The following BRI3 variants were observed in gnomAD, a reference collection of about 807,000 sequenced individuals.
BRI3 encodes brain protein I3.
A neutral mutation model predicts 12.8 loss-of-function variants in BRI3; 6 were observed. The observed-to-expected ratio is 0.47, with a 90% CI of 0.26 to 0.93. The LOEUF (loss-of-function observed/expected upper bound fraction) is 0.93, where lower values mean the gene tolerates loss of function less well. Ranked by LOEUF, BRI3 falls within the 40% of genes least tolerant of loss-of-function variation. The probability of loss-of-function intolerance (pLI) is 0.15; values close to 1 mark genes in which losing one functional copy is unlikely to be tolerated. For synonymous variants in BRI3, 91 were observed against 76.1 expected (o/e 1.20, Z -1.02); for missense variants, 134 against 171.1 (o/e 0.78, Z 1.21).
At chr7:98,318,772 GTC>G in the BRI3 span, among the ~76,000 whole-genome samples, 1 of 151,320 alleles carries the variant, frequency 6.6e-6, no homozygotes, top group Non-Finnish European at 1.5e-5. Context: ...GTGAAACCCC[GTC>G]TCTACTAAAA....
At chr7:98,317,403 T>C in the BRI3 span, 3 of 1,605,812 alleles carry the variant, frequency 1.9e-6, no homozygotes, top group Non-Finnish European at 1.7e-6. Context: ...ACCACACGAA[T>C]TGTCACACAG....
chr7:98,317,522 C>T, the BRI3 span, among the ~76,000 whole-genome samples: 1 of 150,518 alleles, frequency 6.6e-6, no homozygotes, highest in African/African-American at 2.4e-5. Flanking sequence ...CCAGTTCACA[C>T]CATCCTCCTG....
At chr7:98,302,076 C>T (rs1309728956), upstream of BRI3, among the ~76,000 whole-genome samples, 1 of 152,146 alleles carries the variant, frequency 6.6e-6, no homozygotes, top group Non-Finnish European at 1.5e-5. Flanking sequence ...ATGATCCAGC[C>T]AACGAAGAGG....
chr7:98,282,689 T>C (rs1799566823), intron 2 of BRI3: 5 of 512,590 alleles, frequency 9.8e-6, no homozygotes, highest in Non-Finnish European at 1.7e-5. Context: ...TTCCTTTTCC[T>C]AGATCTTGGG....
At chr7:98,315,587 T>C in the BRI3 span, 1 of 1,463,964 alleles carries the variant, frequency 6.8e-7, no homozygotes, top group Non-Finnish European at 9.1e-7. Flanking sequence ...GATTTCACTC[T>C]GACGAGAAGT....
chr7:98,285,606 C>T (rs1799685244), intron 2 of BRI3, among the ~76,000 whole-genome samples: 1 of 152,204 alleles, frequency 6.6e-6, no homozygotes, highest in Admixed American at 6.5e-5. Flanking sequence ...CCTCCTGAGT[C>T]TCTGACCTTG....
chr7:98,285,977 C>T (rs888166807), intron 2 of BRI3, among the ~76,000 whole-genome samples: 66 of 152,170 alleles, frequency 4.3e-4, no homozygotes, highest in African/African-American at 1.5e-3. Context: ...TGTTCCTGGG[C>T]GTGGATGGTG....
chr7:98,308,212 C>G, exon 2 of BRI3: 1 of 535,160 alleles, frequency 1.9e-6, no homozygotes, highest in Non-Finnish European at 3.6e-6. Flanking sequence ...CAGGATGGCT[C>G]TTCTTAGAGA....
downstream of BRI3, among the ~76,000 whole-genome samples, chr7:98,297,512 C>T (rs917502650): frequency 1.3e-5 from 2 of 152,194 alleles, no homozygotes; most frequent in Non-Finnish European, 2.9e-5. Context: ...CCCTAAGGAA[C>T]ATTTCCAAGC....
downstream of BRI3, chr7:98,310,686 C>CTATTTATTTATTTATT (rs3062609): frequency 1.3e-6 from 1 of 792,524 alleles, no homozygotes; most frequent in African/African-American, 1.8e-5. Flanking sequence ...AAATAATAGG[C>CTATTTATTTATTTATT]TATTTATTTA....
the BRI3 span, among the ~76,000 whole-genome samples, chr7:98,322,459 C>T: frequency 6.6e-6 from 1 of 152,190 alleles, no homozygotes; most frequent in South Asian, 2.1e-4. Flanking sequence ...GGATCAACTT[C>T]TCGCCCATGT....
chr7:98,310,665 T>C, downstream of BRI3: 1 of 1,179,524 alleles, frequency 8.5e-7, no homozygotes, highest in East Asian at 2.9e-5. Flanking sequence ...CCAAGGCTGT[T>C]TTTTTTTTTT....
the BRI3 span, among the ~76,000 whole-genome samples, chr7:98,318,409 C>G: frequency 4.0e-5 from 6 of 151,888 alleles, no homozygotes; most frequent in Admixed American, 1.3e-4. Flanking sequence ...GTGCCTCAGC[C>G]TCTCCAGTAG....
chr7:98,291,826 C>T (rs1396048550), downstream of BRI3: 1 of 153,098 alleles, frequency 6.5e-6, no homozygotes, highest in Admixed American at 6.5e-5. Flanking sequence ...TTCTTCCACC[C>T]CGTAACAAAA....
At chr7:98,288,103 G>A (rs1163227256) in intron 2 of BRI3, among the ~76,000 whole-genome samples, 1 of 152,188 alleles carries the variant, frequency 6.6e-6, no homozygotes, top group Admixed American at 6.5e-5. Flanking sequence ...CTCCCTGTCT[G>A]CTTTTTCATG....
chr7:98,286,398 TAGTC>T (rs780973870), intron 2 of BRI3, among the ~76,000 whole-genome samples: 8 of 152,220 alleles, frequency 5.3e-5, no homozygotes, highest in Non-Finnish European at 7.3e-5. Context: ...CTCTTGGAAT[TAGTC>T]AGTTCCCTAA....
At chr7:98,305,321 TAAAA>T (rs10708312), upstream of BRI3, among the ~76,000 whole-genome samples, 2 of 148,138 alleles carry the variant, frequency 1.4e-5, no homozygotes, top group African/African-American at 5.0e-5. Flanking sequence ...AGCTAAGAGT[TAAAA>T]AAAAAAAAAA....
chr7:98,292,191 T>TA (rs1355868789), downstream of BRI3: 2 of 176,582 alleles, frequency 1.1e-5, no homozygotes, highest in East Asian at 1.6e-4. Flanking sequence ...CATAGGATAC[T>TA]ACACTTATGG....
At chr7:98,305,181 G>T (rs2116846668), upstream of BRI3, among the ~76,000 whole-genome samples, 1 of 149,924 alleles carries the variant, frequency 6.7e-6, no homozygotes, top group African/African-American at 2.5e-5. Context: ...ATGAGCCCCT[G>T]CGCCTGGCCA....
Sources: gnomAD v4.1 joint callset for allele counts (sites outside exome capture counted in the v4.1 genomes callset) on GRCh38, gnomAD v4.1.1 for gene constraint, MANE v1.5 for transcripts, NCBI Gene and HGNC (gene_info 2026-07-23, HGNC 2026-07-21) for gene names.